CCDC171: variants seen among roughly 807,000 people sequenced by gnomAD.
CCDC171 encodes the protein coiled-coil domain-containing protein 171.
In CCDC171, 177 loss-of-function variants were observed where a neutral mutation model predicts 168.2. The observed-to-expected ratio is 1.05, with a 90% CI of 0.93 to 1.19. The LOEUF (loss-of-function observed/expected upper bound fraction) is 1.19, where lower values mean the gene tolerates loss of function less well. Among genes scored for constraint, CCDC171 ranks in the 50% most tolerant of loss-of-function variants. The probability of loss-of-function intolerance (pLI) is 0.00; values close to 1 mark genes in which losing one functional copy is unlikely to be tolerated. For missense variants in CCDC171, 1,991 were observed against 1,539.0 expected (o/e 1.29, Z -4.91); for synonymous variants, 687 against 540.8 (o/e 1.27, Z -3.75).
intron 1 of CCDC171, among the ~76,000 whole-genome samples, chr9:16,056,489 T>C (rs905491310): frequency 6.6e-6 from 1 of 152,196 alleles, no homozygotes; most frequent in African/African-American, 2.4e-5. Flanking sequence ...TCTTTTGTTT[T>C]ATTTTGTTTT....
intron 9 of CCDC171, among the ~76,000 whole-genome samples, chr9:15,669,477 T>G (rs1397581391): frequency 6.6e-6 from 1 of 152,168 alleles, no homozygotes; most frequent in African/African-American, 2.4e-5. Context: ...GTTAGGAACA[T>G]TCCAATTCCA....
At chr9:15,753,018 A>T (rs1369620935) in intron 18 of CCDC171, among the ~76,000 whole-genome samples, 2 of 152,014 alleles carry the variant, frequency 1.3e-5, no homozygotes, top group Non-Finnish European at 2.9e-5. Context: ...TTTTCTTGTC[A>T]CTGTGTTATG....
chr9:15,708,923 CT>C (rs1275483847), intron 11 of CCDC171, among the ~76,000 whole-genome samples: 31 of 152,148 alleles, frequency 2.0e-4, no homozygotes, highest in African/African-American at 7.5e-4. Context: ...TACATACAGT[CT>C]TTTTTCAAAC....
At chr9:16,076,697 A>G in the CCDC171 span, among the ~76,000 whole-genome samples, 7 of 151,986 alleles carry the variant, frequency 4.6e-5, no homozygotes, top group African/African-American at 1.7e-4. Context: ...ACTATTAGAA[A>G]CCTCAGGCCC....
At chr9:15,712,612 C>T (rs111350683) in intron 11 of CCDC171, among the ~76,000 whole-genome samples, 19 of 152,238 alleles carry the variant, frequency 1.2e-4, no homozygotes, top group African/African-American at 4.1e-4. Flanking sequence ...AAGGAAAATC[C>T]GTATTCAGAG....
intron 11 of CCDC171, among the ~76,000 whole-genome samples, chr9:15,721,040 C>A (rs1039065046): frequency 6.6e-6 from 1 of 152,124 alleles, no homozygotes; most frequent in Admixed American, 6.6e-5. Flanking sequence ...ATCATGTGAC[C>A]TTTATTAGCT....
At chr9:15,594,368 G>A (rs77814767) in intron 6 of CCDC171, among the ~76,000 whole-genome samples, 196 bp downstream of exon 6, 2 of 152,188 alleles carry the variant, frequency 1.3e-5, no homozygotes, top group East Asian at 3.9e-4. Context: ...TTAGAGTTCA[G>A]TGATTTCCAT....
intron 10 of CCDC171, among the ~76,000 whole-genome samples, chr9:15,684,338 CATTAAAA>C (rs2050236332): frequency 6.6e-6 from 1 of 151,904 alleles, no homozygotes; most frequent in African/African-American, 2.4e-5. Context: ...ATGCTTATTT[CATTAAAA>C]AAACCCATTG....
chr9:16,101,230 C>A, the CCDC171 span, among the ~76,000 whole-genome samples: 1 of 152,190 alleles, frequency 6.6e-6, no homozygotes, highest in African/African-American at 2.4e-5. Flanking sequence ...CTAGGGTGGC[C>A]AGGTAACATA....
intron 18 of CCDC171, among the ~76,000 whole-genome samples, chr9:15,746,394 T>C (rs2055281538): frequency 6.6e-6 from 1 of 152,328 alleles, no homozygotes; most frequent in South Asian, 2.1e-4. Flanking sequence ...ACCTAGACTT[T>C]TGTAGTAGGA....
intron 1 of CCDC171, among the ~76,000 whole-genome samples, chr9:16,052,428 C>T (rs1045304627): frequency 6.6e-6 from 1 of 152,172 alleles, no homozygotes; most frequent in Non-Finnish European, 1.5e-5. Context: ...GCCCAAGATA[C>T]CCCTGGGTTA....
In CCDC171 at chr9:15,591,416, C is replaced by T; in HGVS notation, c.403C>T (p.Gln135Ter). ...GACAAATGAGACTGAGAAAGCATTT[C>T]AGACTTCTCAGCAAAAATGGAAAGA... is the stretch of plus-strand genomic sequence containing the variant. Reference protein sequence around the residue: ...AKTNETEKAFQTSQQKWKEEC... With the variant: ...AKTNETEKAF The change falls in exon 5 of 26, where the codon CAG (glutamine) becomes TAG (stop). Residue 135 changes from glutamine to a stop codon, truncating the protein, a stop_gained. Coordinates refer to ENST00000380701, the MANE Select transcript of CCDC171 (RefSeq NM_173550.4). LOFTEE classifies it high-confidence loss of function. 1.2e-6 allele frequency: 2 copies of T among 1,608,712 alleles called. No individual in the cohort carries two copies. The highest frequency in any genetic ancestry group is 1.1e-5 in the South Asian group (1 of 89,558).
intron 12 of CCDC171, 119 bp downstream of exon 12, chr9:15,721,994 C>A (rs911548144): frequency 7.4e-6 from 3 of 404,620 alleles, no homozygotes; most frequent in Non-Finnish European, 1.3e-5. Flanking sequence ...TTCACAGATA[C>A]AAAAAATAAT....
chr9:16,108,523 G>A, the CCDC171 span, among the ~76,000 whole-genome samples: 1 of 152,240 alleles, frequency 6.6e-6, no homozygotes, highest in Non-Finnish European at 1.5e-5. Flanking sequence ...GTGGCACTGA[G>A]GATGTCAGAG....
chr9:16,087,182 G>T, the CCDC171 span, among the ~76,000 whole-genome samples: 2 of 152,186 alleles, frequency 1.3e-5, no homozygotes, highest in East Asian at 3.8e-4. Flanking sequence ...AGTGTGATGT[G>T]GTGCTGAAAA....
chr9:15,955,833 A>G (rs1014586416), intron 25 of CCDC171, among the ~76,000 whole-genome samples: 1 of 152,114 alleles, frequency 6.6e-6, no homozygotes, highest in Non-Finnish European at 1.5e-5. Flanking sequence ...TTATAGCTTT[A>G]GTGAGGAAAC....
chr9:15,752,447 C>T (rs952890398), intron 18 of CCDC171, among the ~76,000 whole-genome samples: 5 of 152,042 alleles, frequency 3.3e-5, no homozygotes, highest in Non-Finnish European at 7.3e-5. Flanking sequence ...AAGACACATG[C>T]ACACATATGT....
intron 3 of CCDC171, among the ~76,000 whole-genome samples, chr9:16,015,710 C>G (rs1232866145): frequency 2.6e-5 from 4 of 152,126 alleles, no homozygotes; most frequent in Non-Finnish European, 5.9e-5. Context: ...TGTTATGTAA[C>G]CACTATCCAT....
At chr9:15,660,825 C>A (rs2048258405) in intron 8 of CCDC171, among the ~76,000 whole-genome samples, 1 of 152,088 alleles carries the variant, frequency 6.6e-6, no homozygotes, top group Admixed American at 6.5e-5. Context: ...GATTTATTTT[C>A]TTTTGGATAT....
Sources: gnomAD v4.1 joint callset for allele counts (sites outside exome capture counted in the v4.1 genomes callset) on GRCh38, gnomAD v4.1.1 for gene constraint, MANE v1.5 for transcripts, NCBI Gene and HGNC (gene_info 2026-07-23, HGNC 2026-07-21) for gene names.